Variants in CCDC174 observed in about 807,000 individuals in gnomAD.
The protein encoded by CCDC174 is coiled-coil domain-containing protein 174.
CCDC174 carries 37 observed loss-of-function variants against 57.1 expected under a neutral mutation model. The observed-to-expected ratio is 0.65, with a 90% CI of 0.50 to 0.85. CCDC174 has a LOEUF of 0.85. Ranked by LOEUF, CCDC174 falls within the 40% of genes least tolerant of loss-of-function variation. CCDC174 has a pLI of 0.00. For missense variants in CCDC174, 540 were observed against 574.3 expected, an observed-to-expected ratio of 0.94 and a Z score of 0.61; for synonymous variants, 182 against 190.2, an observed-to-expected ratio of 0.96 and a Z score of 0.35.
chr3:14,656,956 G>A (rs1052606049), intron 3 of CCDC174, among the ~76,000 whole-genome samples: 2 of 152,180 alleles, frequency 1.3e-5, no homozygotes, highest in African/African-American at 4.8e-5. Flanking sequence ...TCTGAAGATA[G>A]AAGGCAGAAT....
chr3:14,665,003 T>A (rs1415577666), intron 5 of CCDC174, 25 bp from the exon 6 acceptor site: 2 of 1,561,424 alleles, frequency 1.3e-6, no homozygotes, highest in South Asian at 2.2e-5. Flanking sequence ...AAGTCCTTCT[T>A]CACATCTTTT....
chr3:14,655,989 A>C (rs572608433), intron 3 of CCDC174, among the ~76,000 whole-genome samples: 4 of 152,198 alleles, frequency 2.6e-5, no homozygotes, highest in Admixed American at 2.0e-4. Flanking sequence ...TCAAGGGTAC[A>C]TAGAACATTC....
intron 3 of CCDC174, among the ~76,000 whole-genome samples, chr3:14,657,282 C>T (rs1417651778): frequency 6.6e-6 from 1 of 152,200 alleles, no homozygotes; most frequent in Non-Finnish European, 1.5e-5. Flanking sequence ...CAGTCCCAGG[C>T]TTTTCTGAGG....
Position 14,661,515 on chromosome 3 carries a change from A to T in CCDC174, c.308-15A>T. ...TTTCCTTTTTGATGTCTGAAAACTG[A>T]TTTTTATGTCCTAGATGAAGAAGTA... On this transcript the variant is annotated splice_polypyrimidine_tract_variant and intron_variant, in intron 4 of 10. Coordinates refer to ENST00000383794, the MANE Select transcript of CCDC174 (RefSeq NM_016474.5). 6.3e-7 allele frequency: 1 copy of T among 1,580,016 alleles called. No homozygotes were observed. The highest frequency in any genetic ancestry group is 1.4e-5 in the African/African-American group (1 of 73,136).
In CCDC174 at chr3:14,651,888, G is replaced by A. The variant is rs2030779317; in HGVS notation, c.42+10G>A. 6.2e-7 allele frequency: 1 copy of A among 1,613,582 alleles called. No individual in the cohort carries two copies. The highest frequency in any genetic ancestry group is 8.5e-7 in the Non-Finnish European group (1 of 1,179,610). ...CGTCACGGCCTCCTCGGTGAGTGAGGGTATGAGGTAACTCCACGGGCTCCG... is the reference window on the plus strand; with the variant it reads ...CGTCACGGCCTCCTCGGTGAGTGAGAGTATGAGGTAACTCCACGGGCTCCG... On this transcript the variant is annotated intron_variant, in intron 1 of 10. Coordinates refer to ENST00000383794, the MANE Select transcript of CCDC174 (RefSeq NM_016474.5).
intron 4 of CCDC174, among the ~76,000 whole-genome samples, chr3:14,659,142 C>T (rs2031050085): frequency 6.6e-6 from 1 of 152,186 alleles, no homozygotes; most frequent in Admixed American, 6.5e-5. Context: ...AAGGGACAAA[C>T]AAGTACTGGA....
At chr3:14,665,910 C>T (rs933879486) in intron 6 of CCDC174, among the ~76,000 whole-genome samples, 19 of 151,654 alleles carry the variant, frequency 1.3e-4, no homozygotes, top group African/African-American at 4.4e-4. Flanking sequence ...TGGTTGCGGC[C>T]GCCTGTAGTC....
In CCDC174 at chr3:14,671,117, G is replaced by A. The variant is rs573969015; in HGVS notation, c.1327G>A (p.Asp443Asn). ...PEHTSPTPAP[D>N]NPPQAPTVTF... The stretch of plus-strand genomic sequence containing the variant: ...ACATACGTCACCCACTCCTGCCCCC[G>A]ACAACCCACCACAAGCCCCCACAGT... The change falls in exon 11 of 11, where the codon GAC becomes AAC. Residue 443 changes from aspartate to asparagine, a missense_variant. Coordinates refer to ENST00000383794, the MANE Select transcript of CCDC174 (RefSeq NM_016474.5). The A allele has an allele frequency of 9.3e-6, 15 of 1,614,034 alleles. No individual in the cohort carries two copies. In the East Asian group the frequency reaches 1.3e-4, roughly 14 times the overall value.
chr3:14,654,172 G>T (rs1054708999), intron 1 of CCDC174, among the ~76,000 whole-genome samples: 1 of 152,208 alleles, frequency 6.6e-6, no homozygotes. Context: ...CTTTCTCCTT[G>T]CCTAAGGAAA....
At chr3:14,655,753 T>C (rs1323579424) in intron 3 of CCDC174, 124 bp downstream of exon 3, 4 of 485,582 alleles carry the variant, frequency 8.2e-6, no homozygotes, top group African/African-American at 6.0e-5. Flanking sequence ...AGCCCAATGC[T>C]CTAAGTACTC....
chr3:14,655,681 G>T, intron 3 of CCDC174, 52 bp downstream of exon 3: 1 of 1,199,070 alleles, frequency 8.3e-7, no homozygotes, highest in South Asian at 1.4e-5. Flanking sequence ...TACCCAGGCA[G>T]AGAAATGGAA....
chr3:14,669,119 T>C (rs1384859521), intron 9 of CCDC174, among the ~76,000 whole-genome samples: 1 of 152,128 alleles, frequency 6.6e-6, no homozygotes, highest in African/African-American at 2.4e-5. Context: ...AGCTGGGAAA[T>C]GGCCTCTCCA....
At chr3:14,661,404 G>A in intron 4 of CCDC174, 126 bp from the exon 5 acceptor site, 1 of 707,800 alleles carries the variant, frequency 1.4e-6, no homozygotes. Context: ...CATTTGGGGA[G>A]TGGAGGCATT....
chr3:14,662,637 G>C (rs1345071063), intron 5 of CCDC174, among the ~76,000 whole-genome samples: 1 of 152,112 alleles, frequency 6.6e-6, no homozygotes, highest in East Asian at 1.9e-4. Context: ...CAATTTCCTG[G>C]GAACCCATCC....
intron 3 of CCDC174, among the ~76,000 whole-genome samples, chr3:14,657,987 G>A (rs889589578): frequency 6.6e-6 from 1 of 152,208 alleles, no homozygotes; most frequent in African/African-American, 2.4e-5. Flanking sequence ...TGACCAGCTA[G>A]TTACAGTAAG....
At chr3:14,653,937 G>T (rs11918015) in intron 1 of CCDC174, among the ~76,000 whole-genome samples, 127,105 of 152,216 alleles carry the variant, frequency 0.84, 53,712 homozygotes, top group South Asian at 0.93. Flanking sequence ...TTTGTTGGTA[G>T]TATAAATTAC....
chr3:14,654,514 C>A lies in CCDC174; in HGVS notation c.131C>A (p.Pro44Gln). The A allele has an allele frequency of 6.5e-7, 1 of 1,534,630 alleles. No homozygotes were observed. The highest frequency in any genetic ancestry group is 9.0e-7 in the Non-Finnish European group (1 of 1,114,418). ...LLKDSGVFGK[P>Q]KTTNKKPSIW... ...AAAGATTCTGGAGTTTTTGGAAAAC[C>A]AAAAACAACTAACAAGGTAAAAAAT... The change falls in exon 2 of 11, where the codon CCA becomes CAA. Residue 44 changes from proline to glutamine, a missense_variant. Transcript: ENST00000383794.
At chr3:14,664,439 GGCTTA>G (rs1368950476) in intron 5 of CCDC174, among the ~76,000 whole-genome samples, 3 of 152,188 alleles carry the variant, frequency 2.0e-5, no homozygotes, top group Non-Finnish European at 4.4e-5. Context: ...CTATCTGCCT[GGCTTA>G]GCTGTCTGAC....
At chr3:14,665,262 GA>G (rs1477181296) in intron 6 of CCDC174, 139 bp downstream of exon 6, 81 of 680,566 alleles carry the variant, frequency 1.2e-4, no homozygotes, top group Admixed American at 1.0e-3. Context: ...TTGATTGATT[GA>G]AGCACTTTTT....
Sources: allele counts gnomAD v4.1 joint callset (sites outside exome capture counted in the v4.1 genomes callset), GRCh38; gene constraint gnomAD v4.1.1; transcripts MANE v1.5; gene names NCBI Gene and HGNC (gene_info 2026-07-23, HGNC 2026-07-21).